Variants in MPP7 observed in about 807,000 individuals in gnomAD.
MPP7 encodes MAGUK p55 scaffold protein 7.
A neutral mutation model predicts 76.5 loss-of-function variants in MPP7; 60 were observed. The observed-to-expected ratio is 0.78, with a 90% CI of 0.64 to 0.97. MPP7 has a LOEUF of 0.97. Among genes scored for constraint, MPP7 ranks in the 50% least tolerant of loss-of-function variants. The probability of loss-of-function intolerance (pLI) is 0.00; values close to 1 mark genes in which losing one functional copy is unlikely to be tolerated. For missense variants in MPP7, 641 were observed against 694.0 expected (o/e 0.92, Z 0.86); for synonymous variants, 237 against 244.5 (o/e 0.97, Z 0.29).
intron 12 of MPP7, among the ~76,000 whole-genome samples, chr10:28,088,628 G>A (rs1853134829): frequency 6.6e-6 from 1 of 152,144 alleles, no homozygotes; most frequent in South Asian, 2.1e-4. Context: ...AATTATAGCA[G>A]TGTGAGAATG....
chr10:28,155,286 A>G (rs1406524246), intron 3 of MPP7, among the ~76,000 whole-genome samples: 1 of 150,136 alleles, frequency 6.7e-6, no homozygotes, highest in Non-Finnish European at 1.5e-5. Flanking sequence ...TTTATTCAGT[A>G]AATAAATAAA....
intron 3 of MPP7, among the ~76,000 whole-genome samples, chr10:28,190,926 G>A (rs910759258): frequency 6.6e-6 from 1 of 151,900 alleles, no homozygotes; most frequent in East Asian, 1.9e-4. Flanking sequence ...TACAAATTAC[G>A]AATATCAGAA....
intron 6 of MPP7, among the ~76,000 whole-genome samples, chr10:28,130,940 C>T (rs1002021346): frequency 6.6e-6 from 1 of 151,946 alleles, no homozygotes; most frequent in Non-Finnish European, 1.5e-5. Flanking sequence ...AATCTTAATA[C>T]TTTATTTAAG....
At chr10:28,183,298 G>A (rs1408753077) in intron 3 of MPP7, among the ~76,000 whole-genome samples, 1 of 152,190 alleles carries the variant, frequency 6.6e-6, no homozygotes, top group Non-Finnish European at 1.5e-5. Context: ...TAAGCTGTGT[G>A]TTGGAACACA....
chr10:28,264,182 C>T (rs1009456738), intron 1 of MPP7, among the ~76,000 whole-genome samples: 1 of 151,960 alleles, frequency 6.6e-6, no homozygotes, highest in African/African-American at 2.4e-5. Flanking sequence ...ACCTGCAGTC[C>T]CAGCTACTTG....
rs1851367149 is a variant in MPP7, at chr10:28,051,744, A to C, written c.*2321T>G. On this transcript the variant is annotated 3_prime_UTR_variant, in exon 17 of 17. Coordinates refer to ENST00000683449, the MANE Select transcript of MPP7 (RefSeq NM_001318170.2). ...TCTAAGCATCAAGATGGCCATGTAA[A>C]CACTGTTTTTAAGACCACGTCTACC... 1 of 152,024 alleles carries C rather than the reference A, an allele frequency of 6.6e-6. No individual in the cohort carries two copies. 9.4% of individuals were successfully genotyped at this position (152,024 alleles called of 1,614,324 possible). A position where few individuals can be genotyped will look rare whatever the true frequency, so the allele number is the denominator to read the frequency against.
chr10:28,054,203 C>A lies in MPP7; in HGVS notation c.1593G>T (p.Met531Ile). ...CAAAAAGATGACCATATTGACTTTC[C>A]ATTATCTGTGCAGATTTAATCATTT... ...FQEMIKSAQIMESQYGHLFDK... is the reference protein window; with the variant it reads ...FQEMIKSAQIIESQYGHLFDK... The change falls in exon 17 of 17, where the codon ATG becomes ATT. Residue 531 changes from methionine (M) to isoleucine (I), a missense_variant. Physicochemically the swap from Met to Ile is conservative, Grantham distance 10 (BLOSUM62 1). Coordinates refer to ENST00000683449, the MANE Select transcript of MPP7 (RefSeq NM_001318170.2). 6.3e-7 allele frequency: 1 copy of A among 1,596,696 alleles called. No homozygotes were observed. Among genetic ancestry groups the A allele is most frequent in the Non-Finnish European group, 8.6e-7 (1 of 1,168,000 alleles).
intron 6 of MPP7, among the ~76,000 whole-genome samples, chr10:28,126,235 A>T (rs2490062): frequency 0.91 from 138,740 of 152,180 alleles, 63,309 homozygotes; most frequent in African/African-American, 0.96. Context: ...AATGAGCATC[A>T]CTTCATGGTC....
intron 1 of MPP7, among the ~76,000 whole-genome samples, chr10:28,300,798 A>T (rs79457629): frequency 3.3e-4 from 37 of 111,046 alleles, no homozygotes; most frequent in South Asian, 9.3e-4. Context: ...CAAAAATATT[A>T]AAAAAAAAAA....
intron 3 of MPP7, among the ~76,000 whole-genome samples, chr10:28,175,586 A>T (rs919334204): frequency 1.4e-5 from 2 of 145,186 alleles, no homozygotes; most frequent in Non-Finnish European, 3.1e-5. Flanking sequence ...TTCTTTAAAC[A>T]TCAAGACAAA....
At chr10:28,165,127 T>C (rs1476782378) in intron 3 of MPP7, among the ~76,000 whole-genome samples, 1 of 152,080 alleles carries the variant, frequency 6.6e-6, no homozygotes, top group Non-Finnish European at 1.5e-5. Flanking sequence ...TAATAGAGCA[T>C]GTGGTGTCTG....
chr10:28,170,533 T>C (rs1445710821), intron 3 of MPP7, among the ~76,000 whole-genome samples: 2 of 151,520 alleles, frequency 1.3e-5, no homozygotes, highest in Non-Finnish European at 2.9e-5. Flanking sequence ...ACTCTCTCAT[T>C]CTAACTTTCT....
intron 11 of MPP7, among the ~76,000 whole-genome samples, chr10:28,090,702 A>C (rs1304718541): frequency 6.6e-6 from 1 of 152,182 alleles, no homozygotes; most frequent in Non-Finnish European, 1.5e-5. Flanking sequence ...TCAGGCTGAC[A>C]GAACAAAGCT....
chr10:28,167,635 A>G (rs1836529198), intron 3 of MPP7, among the ~76,000 whole-genome samples: 1 of 152,160 alleles, frequency 6.6e-6, no homozygotes, highest in Non-Finnish European at 1.5e-5. Context: ...AAAATAAATA[A>G]GTACTTGGCT....
chr10:28,228,936 G>C (rs944204369), intron 2 of MPP7, among the ~76,000 whole-genome samples: 1 of 152,082 alleles, frequency 6.6e-6, no homozygotes, highest in African/African-American at 2.4e-5. Flanking sequence ...ATGGCTGATG[G>C]AAAGACCAAA....
At chr10:28,330,705 A>C (rs1271330561) in intron 1 of MPP7, among the ~76,000 whole-genome samples, 1 of 152,086 alleles carries the variant, frequency 6.6e-6, no homozygotes, top group African/African-American at 2.4e-5. Context: ...CCCAGGCTGG[A>C]GTGCTGTGGT....
intron 1 of MPP7, among the ~76,000 whole-genome samples, chr10:28,240,986 T>C (rs1839249617): frequency 6.6e-6 from 1 of 152,106 alleles, no homozygotes; most frequent in South Asian, 2.1e-4. Flanking sequence ...TTAAGTTTCT[T>C]TATGTCATGA....
At chr10:28,132,030 G>A (rs1299412264) in intron 5 of MPP7, among the ~76,000 whole-genome samples, 1 of 152,054 alleles carries the variant, frequency 6.6e-6, no homozygotes, top group Non-Finnish European at 1.5e-5. Flanking sequence ...AAGAGTGCGG[G>A]GGATGTTACT....
At chr10:28,313,519 A>T (rs1348153195) in intron 2 of MPP7, among the ~76,000 whole-genome samples, 2 of 151,366 alleles carry the variant, frequency 1.3e-5, no homozygotes, top group Non-Finnish European at 3.0e-5. Context: ...AAGATAAAAT[A>T]AAAAAAAAGG....
Sources: allele counts gnomAD v4.1 joint callset (sites outside exome capture counted in the v4.1 genomes callset), GRCh38; gene constraint gnomAD v4.1.1; transcripts MANE v1.5; gene names NCBI Gene and HGNC (gene_info 2026-07-23, HGNC 2026-07-21).